The following ZFP1 variants were observed in gnomAD, a reference collection of about 807,000 sequenced individuals.
ZFP1 encodes the protein zinc finger protein 1 homolog.
ZFP1 carries 32 observed loss-of-function variants against 38.5 expected under a neutral mutation model. The observed-to-expected ratio is 0.83, with a 90% confidence interval of 0.63 to 1.12. The LOEUF is 1.12. Among genes scored for constraint, ZFP1 ranks in the 50% most tolerant of loss-of-function variants. The pLI, the probability that ZFP1 is intolerant of heterozygous loss-of-function variation, is 0.00. For missense variants in ZFP1, 616 were observed against 480.8 expected, an observed-to-expected ratio of 1.28 and a Z score of -2.63; for synonymous variants, 245 against 168.8, an observed-to-expected ratio of 1.45 and a Z score of -3.50.
At chr16:75,165,554 C>A (rs1437066214) in intron 2 of ZFP1, among the ~76,000 whole-genome samples, 5 of 151,996 alleles carry the variant, frequency 3.3e-5, no homozygotes, top group Admixed American at 1.3e-4. Context: ...TCTACCACAC[C>A]CGGATAATTT....
chr16:75,148,448 A>C (rs1349499237), upstream of ZFP1: 2 of 152,182 alleles, frequency 1.3e-5, no homozygotes, highest in Non-Finnish European at 2.9e-5. Context: ...TGGATGGTCC[A>C]CCCCTCCGAG....
intron 1 of ZFP1, among the ~76,000 whole-genome samples, chr16:75,151,013 A>G (rs559470341): frequency 3.9e-4 from 59 of 151,954 alleles, no homozygotes; most frequent in African/African-American, 1.4e-3. Flanking sequence ...GTGAGCCACC[A>G]CACTCAGCTA....
At chr16:75,143,379 C>T in the ZFP1 span, among the ~76,000 whole-genome samples, 1 of 152,090 alleles carries the variant, frequency 6.6e-6, no homozygotes, top group African/African-American at 2.4e-5. Context: ...GTAGCTGAGA[C>T]TCCAGGTGCA....
the ZFP1 span, among the ~76,000 whole-genome samples, chr16:75,143,273 C>T: frequency 4.3e-4 from 65 of 152,214 alleles, no homozygotes; most frequent in Admixed American, 1.3e-3. Context: ...TGGAGTCTCA[C>T]TCTTGTTGCC....
chr16:75,161,306 T>C (rs1273618096), intron 2 of ZFP1, among the ~76,000 whole-genome samples: 1 of 151,886 alleles, frequency 6.6e-6, no homozygotes, highest in African/African-American at 2.4e-5. Context: ...TGGCTACAAG[T>C]GATCTCCCCG....
At chr16:75,134,621 G>A in the ZFP1 span, among the ~76,000 whole-genome samples, 2 of 151,740 alleles carry the variant, frequency 1.3e-5, no homozygotes, top group African/African-American at 2.4e-5. Context: ...GCGTGGTGGC[G>A]GGCACCTGTA....
chr16:75,134,577 C>T, the ZFP1 span, among the ~76,000 whole-genome samples: 1 of 149,406 alleles, frequency 6.7e-6, no homozygotes, highest in Non-Finnish European at 1.5e-5. Context: ...ATGGTGAAAC[C>T]CCGTCTCTAC....
At chr16:75,145,594 G>A (rs1217904486), upstream of ZFP1, among the ~76,000 whole-genome samples, 2 of 152,144 alleles carry the variant, frequency 1.3e-5, no homozygotes, top group Non-Finnish European at 2.9e-5. Flanking sequence ...AGGGGCAGAG[G>A]GGCAGAGCTG....
At chr16:75,159,406 T>C (rs1437054206) in intron 2 of ZFP1, among the ~76,000 whole-genome samples, 3 of 63,708 alleles carry the variant, frequency 4.7e-5, no homozygotes, top group Non-Finnish European at 9.7e-5. Flanking sequence ...TCTCTCACTT[T>C]TCATTTTTTT....
intron 3 of ZFP1, among the ~76,000 whole-genome samples, chr16:75,168,393 C>G (rs2038218306): frequency 6.6e-6 from 1 of 151,996 alleles, no homozygotes; most frequent in Non-Finnish European, 1.5e-5. Flanking sequence ...TTGAGAGTAT[C>G]CCTTGAGCCC....
At chr16:75,165,995 T>C (rs951896249) in intron 2 of ZFP1, among the ~76,000 whole-genome samples, 1 of 152,192 alleles carries the variant, frequency 6.6e-6, no homozygotes, top group South Asian at 2.1e-4. Flanking sequence ...AATTCAACCA[T>C]GTATTTTTTA....
At chr16:75,163,422 C>T in intron 2 of ZFP1, among the ~76,000 whole-genome samples, 1 of 151,930 alleles carries the variant, frequency 6.6e-6, no homozygotes, top group African/African-American at 2.4e-5. Flanking sequence ...AGCAATTCTC[C>T]TGCCTCAGCC....
chr16:75,145,250 C>G (rs2036930505), upstream of ZFP1, among the ~76,000 whole-genome samples: 1 of 152,116 alleles, frequency 6.6e-6, no homozygotes, highest in African/African-American at 2.4e-5. Flanking sequence ...TTAGAATGGC[C>G]AAAATTCAAG....
chr16:75,169,190 C>A, intron 3 of ZFP1, 63 bp from the exon 4 acceptor site: 1 of 1,516,168 alleles, frequency 6.6e-7, no homozygotes, highest in South Asian at 1.4e-5. Context: ...GAAGACTTCC[C>A]ATTCGGTAAC....
chr16:75,152,768 C>T (rs2037271949), intron 1 of ZFP1, 141 bp from the exon 2 acceptor site: 1 of 640,076 alleles, frequency 1.6e-6, no homozygotes, highest in African/African-American at 1.9e-5. Flanking sequence ...CTTTTCTGCC[C>T]CTTCTGAAGA....
chr16:75,158,035 A>G (rs2037557214), intron 2 of ZFP1, among the ~76,000 whole-genome samples: 1 of 151,746 alleles, frequency 6.6e-6, no homozygotes, highest in Admixed American at 6.6e-5. Flanking sequence ...AGATCTGTCT[A>G]CCTCAGCCTC....
chr16:75,154,800 A>T (rs2037390190), intron 2 of ZFP1, among the ~76,000 whole-genome samples: 1 of 151,662 alleles, frequency 6.6e-6, no homozygotes, highest in East Asian at 1.9e-4. Context: ...TTATGTTTTT[A>T]ATTTTTATTT....
chr16:75,122,046 G>T, the ZFP1 span, among the ~76,000 whole-genome samples: 1 of 152,170 alleles, frequency 6.6e-6, no homozygotes, highest in Non-Finnish European at 1.5e-5. Flanking sequence ...AATGCAAAAT[G>T]CTTATTCCCC....
the ZFP1 span, among the ~76,000 whole-genome samples, chr16:75,124,156 T>C: frequency 8.6e-5 from 13 of 151,498 alleles, no homozygotes; most frequent in Admixed American, 5.9e-4. Context: ...ACAATTTTTG[T>C]CTAATTGAAA....
Sources: gnomAD v4.1 joint callset for allele counts (sites outside exome capture counted in the v4.1 genomes callset) on GRCh38, gnomAD v4.1.1 for gene constraint, MANE v1.5 for transcripts, NCBI Gene and HGNC (gene_info 2026-07-23, HGNC 2026-07-21) for gene names.